Variants in CDH18 observed in about 807,000 individuals in gnomAD.
CDH18 encodes cadherin 18, also known as cadherin-18.
A neutral mutation model predicts 67.9 loss-of-function variants in CDH18; 31 were observed. The observed-to-expected ratio is 0.46, with a 90% confidence interval of 0.34 to 0.62. The LOEUF (loss-of-function observed/expected upper bound fraction) is 0.62, where lower values mean the gene tolerates loss of function less well. CDH18 is among the 20% of genes least tolerant of loss of function. The probability of loss-of-function intolerance (pLI) is 0.01; values close to 1 mark genes in which losing one functional copy is unlikely to be tolerated. For missense variants in CDH18, 890 were observed against 975.5 expected, an observed-to-expected ratio of 0.91 and a Z score of 1.17; for synonymous variants, 362 against 347.2, an observed-to-expected ratio of 1.04 and a Z score of -0.48.
intron 3 of CDH18, among the ~76,000 whole-genome samples, chr5:19,783,938 T>C (rs1449374024): frequency 6.6e-6 from 1 of 152,184 alleles, no homozygotes; most frequent in African/African-American, 2.4e-5. Flanking sequence ...ACTCTGTACC[T>C]GATACATTCC....
intron 1 of CDH18, among the ~76,000 whole-genome samples, chr5:20,352,809 A>T (rs199746134): frequency 0.023 from 3,481 of 151,970 alleles, 103 homozygotes; most frequent in East Asian, 0.076. Flanking sequence ...ATAAAAATAA[A>T]AAAAAAATAA....
intron 2 of CDH18, among the ~76,000 whole-genome samples, chr5:20,107,433 C>A (rs1045330579): frequency 1.3e-5 from 2 of 152,200 alleles, no homozygotes; most frequent in African/African-American, 4.8e-5. Context: ...TTGTCCCTAT[C>A]TCTGCAAATT....
At chr5:20,043,078 G>C (rs1441554098) in intron 2 of CDH18, among the ~76,000 whole-genome samples, 1 of 152,014 alleles carries the variant, frequency 6.6e-6, no homozygotes, top group East Asian at 1.9e-4. Context: ...TCTTTGATGT[G>C]GGGGTTGCCC....
At chr5:20,107,493 A>G (rs1210957445) in intron 2 of CDH18, among the ~76,000 whole-genome samples, 1 of 152,160 alleles carries the variant, frequency 6.6e-6, no homozygotes, top group Non-Finnish European at 1.5e-5. Context: ...TGATTTATCT[A>G]TATTCTTTAT....
chr5:20,457,543 A>T (rs559758057), intron 1 of CDH18, among the ~76,000 whole-genome samples: 24 of 152,232 alleles, frequency 1.6e-4, no homozygotes, highest in African/African-American at 5.1e-4. Context: ...TGGCTATACA[A>T]CTGTGCTTTG....
At chr5:20,038,391 C>A (rs1427049095) in intron 2 of CDH18, among the ~76,000 whole-genome samples, 3 of 152,080 alleles carry the variant, frequency 2.0e-5, no homozygotes, top group African/African-American at 7.2e-5. Context: ...GGCAGAGACA[C>A]AACAAATAAA....
At chr5:19,991,330 T>C (rs1413531270), upstream of CDH18, among the ~76,000 whole-genome samples, 1 of 152,212 alleles carries the variant, frequency 6.6e-6, no homozygotes, top group Admixed American at 6.5e-5. Flanking sequence ...TATTGAGATA[T>C]CATTGGCATA....
At position 20,289,037 on chromosome 5, in the gene CDH18, T is replaced by C. The variant is rs1293263964; in HGVS notation, c.-579-33532A>G. Among the ~76,000 whole-genome samples, 98 of 151,964 alleles carry C rather than the reference T, an allele frequency of 6.4e-4. 3 individuals carry two copies. The highest frequency in any genetic ancestry group is 7.4e-5 in the Non-Finnish European group (5 of 67,900). The stretch of plus-strand genomic sequence containing the variant: ...CTTTTGTCATGGTACCTGGATCATG[T>C]CAAATTCTTTCTGAATCCTACTGAA... On this transcript the variant is annotated intron_variant, in intron 1 of 14. Coordinates refer to the CDH18 transcript ENST00000507958.
chr5:20,448,873 C>T (rs1390490741), intron 1 of CDH18, among the ~76,000 whole-genome samples: 2 of 152,114 alleles, frequency 1.3e-5, no homozygotes, highest in Admixed American at 6.5e-5. Flanking sequence ...CAAAGCCTTT[C>T]CATTTTGTCC....
At chr5:19,703,895 G>T (rs1443866670) in intron 5 of CDH18, among the ~76,000 whole-genome samples, 1 of 152,098 alleles carries the variant, frequency 6.6e-6, no homozygotes, top group Non-Finnish European at 1.5e-5. Context: ...TGCCAGCAGG[G>T]GCTATAGGAT....
intron 1 of CDH18, among the ~76,000 whole-genome samples, chr5:20,530,824 T>C (rs1171580070): frequency 6.6e-6 from 1 of 152,032 alleles, no homozygotes; most frequent in African/African-American, 2.4e-5. Context: ...GACACAGGCA[T>C]GGGCAAAGAT....
chr5:19,863,287 C>T (rs544159081), intron 2 of CDH18, among the ~76,000 whole-genome samples: 2 of 152,206 alleles, frequency 1.3e-5, no homozygotes, highest in African/African-American at 4.8e-5. Flanking sequence ...GAGGGGCTAT[C>T]CCTTTCTAGC....
chr5:20,015,900 G>T (rs943203617), intron 2 of CDH18, among the ~76,000 whole-genome samples: 3 of 152,092 alleles, frequency 2.0e-5, no homozygotes, highest in Admixed American at 2.0e-4. Flanking sequence ...TAGGTCTTTA[G>T]CATATAGAAA....
chr5:20,337,359 T>G (rs933994404), intron 1 of CDH18, among the ~76,000 whole-genome samples: 15 of 152,184 alleles, frequency 9.9e-5, no homozygotes, highest in African/African-American at 3.6e-4. Flanking sequence ...ATTATAAAAC[T>G]CAATGCCTTT....
At chr5:20,476,406 G>A (rs1358425982) in intron 1 of CDH18, among the ~76,000 whole-genome samples, 2 of 151,068 alleles carry the variant, frequency 1.3e-5, no homozygotes, top group Admixed American at 6.6e-5. Context: ...ACAATTTGAT[G>A]AGTCAGATCT....
intron 2 of CDH18, among the ~76,000 whole-genome samples, chr5:20,213,361 G>C (rs745662660): frequency 2.0e-5 from 3 of 151,786 alleles, no homozygotes; most frequent in Non-Finnish European, 4.4e-5. Flanking sequence ...TCTTTTTTTT[G>C]TTGTGCTCAG....
intron 1 of CDH18, among the ~76,000 whole-genome samples, chr5:20,408,128 T>A (rs1746454403): frequency 6.6e-6 from 1 of 151,912 alleles, no homozygotes; most frequent in Admixed American, 6.6e-5. Context: ...AGAAAAAAAC[T>A]ACCAGCCAAG....
chr5:19,732,993 T>C (rs931904171), intron 4 of CDH18, among the ~76,000 whole-genome samples: 2 of 152,096 alleles, frequency 1.3e-5, no homozygotes, highest in African/African-American at 4.8e-5. Context: ...AGTTCCGTTT[T>C]CCCAAAACAG....
chr5:19,935,930 T>C (rs746897556), intron 2 of CDH18, among the ~76,000 whole-genome samples: 1 of 150,924 alleles, frequency 6.6e-6, no homozygotes, highest in Non-Finnish European at 1.5e-5. Flanking sequence ...TCACACCTGT[T>C]AGTACTGTTG....
Sources: allele counts gnomAD v4.1 joint callset (sites outside exome capture counted in the v4.1 genomes callset), GRCh38; gene constraint gnomAD v4.1.1; transcripts MANE v1.5; gene names NCBI Gene and HGNC (gene_info 2026-07-23, HGNC 2026-07-21).